ADAM12: variants seen among roughly 807,000 people sequenced by gnomAD.
The protein encoded by ADAM12 is ADAM metallopeptidase domain 12, also known as disintegrin and metalloproteinase domain-containing protein 12.
ADAM12 carries 70 observed loss-of-function variants against 106.4 expected under a neutral mutation model. The observed-to-expected ratio is 0.66, with a 90% CI of 0.54 to 0.80. The LOEUF is 0.80. Ranked by LOEUF, ADAM12 falls within the 30% of genes least tolerant of loss-of-function variation. The pLI, the probability that ADAM12 is intolerant of heterozygous loss-of-function variation, is 0.00. For synonymous variants in ADAM12, 420 were observed against 433.5 expected (o/e 0.97, Z 0.39); for missense variants, 1,010 against 1,171.9 (o/e 0.86, Z 2.02).
chr10:126,102,645 T>C (rs1238774810), intron 8 of ADAM12, among the ~76,000 whole-genome samples: 2 of 152,224 alleles, frequency 1.3e-5, no homozygotes, highest in African/African-American at 2.4e-5. Context: ...GAATATATGC[T>C]GATTGCATTG....
chr10:126,315,905 C>T (rs899040488), intron 2 of ADAM12, among the ~76,000 whole-genome samples: 3 of 152,308 alleles, frequency 2.0e-5, no homozygotes, highest in Non-Finnish European at 4.4e-5. Context: ...CAGCTCCCAG[C>T]GATCCGATGC....
chr10:126,034,853 TATA>T (rs1197253832), intron 21 of ADAM12, among the ~76,000 whole-genome samples: 5 of 152,130 alleles, frequency 3.3e-5, no homozygotes, highest in South Asian at 2.1e-4. Context: ...CTGGAGTGGA[TATA>T]ATAATATCAG....
chr10:126,250,194 A>C (rs113443046), intron 3 of ADAM12, among the ~76,000 whole-genome samples: 5,144 of 152,250 alleles, frequency 0.034, 321 homozygotes, highest in African/African-American at 0.11. Context: ...CCCAGAGTAT[A>C]TAAACAGGGA....
chr10:126,205,923 A>G (rs1957786500), intron 3 of ADAM12, among the ~76,000 whole-genome samples: 1 of 152,256 alleles, frequency 6.6e-6, no homozygotes, highest in African/African-American at 2.4e-5. Context: ...GTATCTGAAT[A>G]AATTCTAATA....
At chr10:126,370,531 G>A (rs1287202403) in intron 1 of ADAM12, among the ~76,000 whole-genome samples, 2 of 152,152 alleles carry the variant, frequency 1.3e-5, no homozygotes, top group East Asian at 3.9e-4. Context: ...GAGATACCAG[G>A]CCCTGCAAAT....
intron 14 of ADAM12, among the ~76,000 whole-genome samples, chr10:126,051,291 C>T (rs996737931): frequency 6.6e-6 from 1 of 152,198 alleles, no homozygotes; most frequent in Non-Finnish European, 1.5e-5. Context: ...TGTTTTTGCA[C>T]ACACCCTATG....
At chr10:126,298,899 C>A (rs1960493875) in intron 2 of ADAM12, among the ~76,000 whole-genome samples, 2 of 152,012 alleles carry the variant, frequency 1.3e-5, no homozygotes, top group Admixed American at 6.6e-5. Flanking sequence ...AATGAAATAT[C>A]CTTTAAAAAA....
chr10:126,241,211 C>T (rs1958516943), intron 3 of ADAM12, among the ~76,000 whole-genome samples: 1 of 152,134 alleles, frequency 6.6e-6, no homozygotes, highest in Admixed American at 6.5e-5. Context: ...CCAGAAGCTT[C>T]AGAGAGATGG....
At position 126,120,718 on chromosome 10, in the gene ADAM12, C is replaced by T. The variant is rs566028110; in HGVS notation, c.417-2494G>A. ...CAGAGAGACCTTGAGGGTTTTCCTTCAGTTCAGCATGTCAAAGATCCATAT... is the reference window on the plus strand; with the variant it reads ...CAGAGAGACCTTGAGGGTTTTCCTTTAGTTCAGCATGTCAAAGATCCATAT... On this transcript the variant is annotated intron_variant, in intron 5 of 22. Transcript: ENST00000448723. Among the ~76,000 whole-genome samples, 10 of 151,554 alleles carry T rather than the reference C, an allele frequency of 6.6e-5. No homozygotes were observed. The East Asian group carries it at 1.7e-3, about 26-fold the overall frequency.
intron 2 of ADAM12, among the ~76,000 whole-genome samples, chr10:126,291,912 C>T (rs1435847130): frequency 1.3e-5 from 2 of 152,148 alleles, no homozygotes; most frequent in Non-Finnish European, 2.9e-5. Context: ...CCATTTCAAC[C>T]CAGTCTGGCT....
chr10:126,331,165 A>G (rs779474407), intron 1 of ADAM12, among the ~76,000 whole-genome samples: 13 of 152,220 alleles, frequency 8.5e-5, no homozygotes, highest in African/African-American at 1.7e-4. Context: ...CCATTTCCAT[A>G]AACAATCCTC....
At chr10:126,368,883 T>C (rs1856011393) in intron 1 of ADAM12, among the ~76,000 whole-genome samples, 1 of 151,880 alleles carries the variant, frequency 6.6e-6, no homozygotes, top group East Asian at 1.9e-4. Context: ...ATGCATAGAG[T>C]TCTTCATGCC....
intron 3 of ADAM12, among the ~76,000 whole-genome samples, chr10:126,234,104 C>T (rs981258263): frequency 1.3e-5 from 2 of 152,138 alleles, no homozygotes; most frequent in African/African-American, 4.8e-5. Context: ...AATTCCCAAG[C>T]TCATGGACAG....
chr10:126,372,268 A>AC (rs1856135988), intron 1 of ADAM12, among the ~76,000 whole-genome samples: 1 of 152,214 alleles, frequency 6.6e-6, no homozygotes, highest in Non-Finnish European at 1.5e-5. Flanking sequence ...CTGAATGAAC[A>AC]TATGAACAGT....
chr10:126,339,847 CTTTTTTT>C (rs146232567), intron 1 of ADAM12, among the ~76,000 whole-genome samples: 4 of 75,710 alleles, frequency 5.3e-5, no homozygotes, highest in Admixed American at 3.7e-4. Context: ...CATTCTAGGG[CTTTTTTT>C]TTTTTTTTTT....
rs991112012 is a variant in ADAM12, at chr10:126,350,409, GT to G, written c.89-19901del. 8.9e-4 allele frequency among the ~76,000 whole-genome samples: 135 copies of G among 152,312 alleles called. 2 individuals are homozygous for G. The highest frequency in any genetic ancestry group is 3.1e-3 in the African/African-American group (130 of 41,568). On this transcript the variant is annotated intron_variant, in intron 1 of 22. Coordinates refer to ENST00000448723, the MANE Select transcript of ADAM12 (RefSeq NM_001288973.2). The stretch of plus-strand genomic sequence containing the variant: ...AGTCGGCCAAGCCCGAGTGAAGCAA[GT>G]TCTCTACAAGGCTGACTTTGAGAAA...
At chr10:126,211,125 A>G (rs1371264359) in intron 3 of ADAM12, among the ~76,000 whole-genome samples, 1 of 152,090 alleles carries the variant, frequency 6.6e-6, no homozygotes, top group African/African-American at 2.4e-5. Context: ...TGCTCTCGCC[A>G]TTTGCAACCA....
At chr10:126,256,878 A>G (rs1476124145) in intron 3 of ADAM12, among the ~76,000 whole-genome samples, 1 of 151,306 alleles carries the variant, frequency 6.6e-6, no homozygotes, top group African/African-American at 2.4e-5. Context: ...TATATTCCTA[A>G]GAAATACTGT....
chr10:126,229,519 C>A (rs979132101), intron 3 of ADAM12, among the ~76,000 whole-genome samples: 5 of 152,140 alleles, frequency 3.3e-5, no homozygotes, highest in African/African-American at 1.2e-4. Context: ...AATTTCAAGT[C>A]TCCAATAAAA....
Sources: gnomAD v4.1 joint callset for allele counts (sites outside exome capture counted in the v4.1 genomes callset) on GRCh38, gnomAD v4.1.1 for gene constraint, MANE v1.5 for transcripts, NCBI Gene and HGNC (gene_info 2026-07-23, HGNC 2026-07-21) for gene names.